Variants in NRG3 observed in about 807,000 individuals in gnomAD.
NRG3 encodes pro-neuregulin-3, membrane-bound isoform.
Under a neutral mutation model 66.9 loss-of-function variants are expected in NRG3, and 31 were observed. That is an observed-to-expected ratio of 0.46 (90% CI 0.35 to 0.63). The LOEUF is 0.63. Among genes scored for constraint, NRG3 ranks in the 20% least tolerant of loss-of-function variants. NRG3 has a pLI of 0.00. For synonymous variants in NRG3, 393 were observed against 359.4 expected (o/e 1.09, Z -1.06); for missense variants, 910 against 878.9 (o/e 1.04, Z -0.45).
chr10:82,793,616 T>A (rs2060678988), intron 3 of NRG3, among the ~76,000 whole-genome samples: 1 of 152,206 alleles, frequency 6.6e-6, no homozygotes, highest in African/African-American at 2.4e-5. Context: ...AACCCTAACA[T>A]CTCTGTGGCA....
rs1431093627 is a variant in NRG3, at chr10:82,490,401, G to A, written c.953+131533G>A. On this transcript the variant is annotated intron_variant, in intron 2 of 8. Coordinates refer to ENST00000372141, the MANE Select transcript of NRG3 (RefSeq NM_001010848.4). ...GCAAGGCCATCTTGCCCTTCTATTG[G>A]GTAAACTTTGTTCAAATGGCTCCTA... Among the ~76,000 whole-genome samples, 6 of 152,136 alleles carry A rather than the reference G, an allele frequency of 3.9e-5. No individual in the cohort carries two copies. The East Asian group carries it at 7.7e-4, about 20-fold the overall frequency.
intron 1 of NRG3, among the ~76,000 whole-genome samples, chr10:81,902,269 G>T (rs561840118): frequency 9.9e-5 from 15 of 151,874 alleles, no homozygotes; most frequent in African/African-American, 3.6e-4. Context: ...CGAGGTAATG[G>T]ACAAGAGTTG....
chr10:82,396,195 A>G (rs1249716390), intron 2 of NRG3, among the ~76,000 whole-genome samples: 19 of 152,086 alleles, frequency 1.2e-4, no homozygotes, highest in Non-Finnish European at 7.4e-5. Flanking sequence ...CTTAATGTGA[A>G]GATTTTTTTG....
chr10:81,979,669 G>C (rs573809266), intron 1 of NRG3, among the ~76,000 whole-genome samples: 1 of 152,114 alleles, frequency 6.6e-6, no homozygotes, highest in African/African-American at 2.4e-5. Flanking sequence ...TACAACCTGA[G>C]CCATCCCCAG....
At chr10:81,949,458 G>A (rs1052865389) in intron 1 of NRG3, among the ~76,000 whole-genome samples, 17 of 151,946 alleles carry the variant, frequency 1.1e-4, no homozygotes, top group African/African-American at 2.7e-4. Flanking sequence ...CATAGCCACC[G>A]TCACCTTGTT....
chr10:82,290,481 A>G (rs2079661708), intron 1 of NRG3, among the ~76,000 whole-genome samples: 1 of 152,178 alleles, frequency 6.6e-6, no homozygotes, highest in Non-Finnish European at 1.5e-5. Flanking sequence ...AAGACAACAC[A>G]TTGTGTTCAG....
chr10:82,261,803 G>A (rs949996220), intron 1 of NRG3, among the ~76,000 whole-genome samples: 6 of 152,108 alleles, frequency 3.9e-5, no homozygotes, highest in South Asian at 2.1e-4. Context: ...GCAGTTTTCC[G>A]CCCTGGGTGG....
chr10:82,495,616 CCTT>C (rs1008899714), intron 2 of NRG3, among the ~76,000 whole-genome samples: 9 of 152,022 alleles, frequency 5.9e-5, no homozygotes, highest in Admixed American at 2.0e-4. Flanking sequence ...TGTGGAATAT[CCTT>C]CTTCCACAAC....
chr10:82,644,702 G>A (rs1326332139), intron 2 of NRG3, among the ~76,000 whole-genome samples: 2 of 152,132 alleles, frequency 1.3e-5, no homozygotes, highest in African/African-American at 4.8e-5. Flanking sequence ...AGGACAGAAT[G>A]TGTGTGTCTA....
At chr10:82,853,432 T>C (rs2135854040) in intron 3 of NRG3, among the ~76,000 whole-genome samples, 1 of 152,342 alleles carries the variant, frequency 6.6e-6, no homozygotes, top group South Asian at 2.1e-4. Context: ...GAGCATGGGA[T>C]GTGTTTCCAT....
intron 1 of NRG3, among the ~76,000 whole-genome samples, chr10:81,997,423 CCA>C (rs2060982108): frequency 6.6e-6 from 1 of 152,292 alleles, no homozygotes; most frequent in African/African-American, 2.4e-5. Context: ...GCCTTCTCCT[CCA>C]GGAATGGTCA....
At chr10:82,619,462 C>T (rs2048892530) in intron 2 of NRG3, among the ~76,000 whole-genome samples, 1 of 152,174 alleles carries the variant, frequency 6.6e-6, no homozygotes, top group Admixed American at 6.5e-5. Flanking sequence ...AGTGTAGCCT[C>T]ATGCAAACCT....
chr10:82,658,534 A>G (rs1017075200), intron 2 of NRG3, among the ~76,000 whole-genome samples: 4 of 148,752 alleles, frequency 2.7e-5, no homozygotes, highest in Admixed American at 1.4e-4. Flanking sequence ...GTGAATCTCA[A>G]AATTATTATG....
intron 3 of NRG3, among the ~76,000 whole-genome samples, chr10:82,814,043 T>G (rs888616032): frequency 1.1e-4 from 16 of 152,208 alleles, no homozygotes; most frequent in African/African-American, 3.9e-4. Flanking sequence ...AATGCTCTTC[T>G]TTTCATTGCT....
At chr10:82,452,868 A>G (rs2091082251) in intron 2 of NRG3, among the ~76,000 whole-genome samples, 1 of 152,116 alleles carries the variant, frequency 6.6e-6, no homozygotes, top group Non-Finnish European at 1.5e-5. Context: ...GGAGGATTTT[A>G]TGGAGATGGT....
At chr10:82,813,988 A>C (rs1376807600) in intron 3 of NRG3, among the ~76,000 whole-genome samples, 1 of 152,216 alleles carries the variant, frequency 6.6e-6, no homozygotes, top group African/African-American at 2.4e-5. Flanking sequence ...GCTGCTACTT[A>C]GAAGTTACTC....
chr10:82,241,297 C>T (rs942266948), intron 1 of NRG3, among the ~76,000 whole-genome samples: 7 of 152,110 alleles, frequency 4.6e-5, no homozygotes, highest in African/African-American at 1.4e-4. Context: ...GATCAAATTT[C>T]AGCTCTGACA....
chr10:82,335,990 C>T (rs907532791), intron 1 of NRG3, among the ~76,000 whole-genome samples: 2 of 152,124 alleles, frequency 1.3e-5, no homozygotes, highest in Non-Finnish European at 2.9e-5. Flanking sequence ...CACAACTACT[C>T]AACTCATTGC....
At chr10:82,965,508 G>T (rs572182592) in intron 6 of NRG3, among the ~76,000 whole-genome samples, 13 of 152,158 alleles carry the variant, frequency 8.5e-5, no homozygotes, top group Non-Finnish European at 1.9e-4. Context: ...GGCAAAGGCA[G>T]ATGGACCACT....
Sources: gnomAD v4.1 joint callset for allele counts (sites outside exome capture counted in the v4.1 genomes callset) on GRCh38, gnomAD v4.1.1 for gene constraint, MANE v1.5 for transcripts, NCBI Gene and HGNC (gene_info 2026-07-23, HGNC 2026-07-21) for gene names.